RNPC3: variants seen among roughly 807,000 people sequenced by gnomAD.
RNPC3 encodes the protein RNA-binding region-containing protein 3.
In RNPC3, 48 loss-of-function variants were observed where a neutral mutation model predicts 67.5. The ratio of observed to expected loss-of-function variants is 0.71; its 90% CI spans 0.56 to 0.90. The LOEUF is 0.90. RNPC3 is among the 40% of genes least tolerant of loss of function. The probability of loss-of-function intolerance (pLI) is 0.00; values close to 1 mark genes in which losing one functional copy is unlikely to be tolerated. For synonymous variants in RNPC3, 239 were observed against 210.3 expected (o/e 1.14, Z -1.18); for missense variants, 637 against 626.1 (o/e 1.02, Z -0.19).
intron 10 of RNPC3, chr1:103,545,316 T>C: frequency 2.7e-6 from 1 of 369,164 alleles, no homozygotes; most frequent in East Asian, 5.9e-5. Flanking sequence ...GTTTCCAGTC[T>C]ATATTTAGGA....
chr1:103,526,690 C>T (rs1445600751), intron 1 of RNPC3, among the ~76,000 whole-genome samples: 3 of 152,138 alleles, frequency 2.0e-5, no homozygotes, highest in Admixed American at 6.5e-5. Flanking sequence ...GGAGAAGCTA[C>T]ATTGGTGACT....
chr1:103,545,216 C>T, intron 10 of RNPC3, 114 bp downstream of exon 10: 1 of 771,876 alleles, frequency 1.3e-6, no homozygotes, highest in Non-Finnish European at 2.0e-6. Flanking sequence ...TACTTTAAAA[C>T]ATCTCTCCAA....
At position 103,552,038 on chromosome 1, in the gene RNPC3, C is replaced by G. The variant is rs564652235; in HGVS notation, c.*12+246C>G. ...AGTGTGCCTGTTACTCTTTTTTTAA[C>G]TTTTTCTGCCTATAGTAAAGCAATG... On this transcript the variant is annotated intron_variant, in intron 14 of 14. Coordinates refer to ENST00000423855, the MANE Select transcript of RNPC3 (RefSeq NM_017619.4). 363 of 284,278 alleles carry G rather than the reference C, an allele frequency of 1.3e-3. 2 individuals are homozygous for G. The highest frequency in any genetic ancestry group is 7.6e-3 in the African/African-American group (346 of 45,362). The allele number at this position is 284,278 out of a possible 1,614,324, so 17.6% of individuals were successfully genotyped here.
rs1170240456 is a variant in RNPC3, at chr1:103,545,082, A to T, written c.1187A>T (p.Lys396Met). The T allele has an allele frequency of 6.5e-7, 1 of 1,532,390 alleles. No homozygotes were observed. The highest frequency in any genetic ancestry group is 8.7e-7 in the Non-Finnish European group (1 of 1,144,504). 94.9% of individuals were successfully genotyped at this position (1,532,390 alleles called of 1,614,324 possible). ...SECISRRELE[K>M]GRISREEMET... ...TGTATTTCTAGAAGGGAATTGGAAAAGGGCAGAATTTCTAGAGAAGGTAAT... is the reference window on the plus strand; with the variant it reads ...TGTATTTCTAGAAGGGAATTGGAAATGGGCAGAATTTCTAGAGAAGGTAAT... The change falls in exon 10 of 15, where the codon AAG (lysine) becomes ATG (methionine). Residue 396 changes from lysine (K) to methionine (M), a missense_variant. Around this residue, in one of 3 missense-constraint regions of RNPC3, gnomAD observed 536 missense variants for 500.3 expected, o/e 1.07. Transcript: ENST00000423855.
intron 2 of RNPC3, among the ~76,000 whole-genome samples, chr1:103,530,303 G>A (rs1377020065): frequency 6.6e-6 from 1 of 152,124 alleles, no homozygotes; most frequent in Non-Finnish European, 1.5e-5. Context: ...GACAAGTAGA[G>A]CAATAAGATC....
chr1:103,541,514 T>G (rs564749374), intron 8 of RNPC3, 39 bp downstream of exon 8: 2 of 1,457,636 alleles, frequency 1.4e-6, no homozygotes, highest in African/African-American at 3.0e-5. Context: ...GTTGTCTGTA[T>G]GTACTTTGTT....
At chr1:103,537,276 C>A in intron 6 of RNPC3, 66 bp from the exon 7 acceptor site, 5 of 1,073,410 alleles carry the variant, frequency 4.7e-6, no homozygotes, top group East Asian at 2.7e-5. Context: ...ATGAAGTATT[C>A]AGATGGAGTT....
chr1:103,550,057 G>A (rs542895764), intron 12 of RNPC3, among the ~76,000 whole-genome samples: 9 of 151,878 alleles, frequency 5.9e-5, no homozygotes, highest in East Asian at 3.9e-4. Context: ...CCAGCTACCC[G>A]GGGGGCTGAG....
intron 11 of RNPC3, chr1:103,546,619 A>C: frequency 3.1e-6 from 1 of 318,490 alleles, no homozygotes; most frequent in Non-Finnish European, 5.7e-6. Context: ...GTGTTGTCTC[A>C]CAGTTCTGGA....
intron 2 of RNPC3, among the ~76,000 whole-genome samples, chr1:103,530,259 A>G (rs1173816245): frequency 2.6e-5 from 4 of 152,108 alleles, no homozygotes; most frequent in Non-Finnish European, 5.9e-5. Flanking sequence ...ATAAACTTTA[A>G]TATTTTAGAA....
chr1:103,528,065 C>G (rs1489619836), intron 2 of RNPC3, among the ~76,000 whole-genome samples: 1 of 152,232 alleles, frequency 6.6e-6, no homozygotes, highest in African/African-American at 2.4e-5. Flanking sequence ...GCCAGGGAAT[C>G]ATTCACAGGA....
intron 7 of RNPC3, among the ~76,000 whole-genome samples, chr1:103,539,718 C>T (rs1651075319): frequency 6.6e-6 from 1 of 152,062 alleles, no homozygotes. Flanking sequence ...GGAAATGTAA[C>T]AAGACCTAAA....
chr1:103,551,883 C>T, intron 14 of RNPC3, 91 bp downstream of exon 14: 1 of 606,886 alleles, frequency 1.6e-6, no homozygotes, highest in Non-Finnish European at 2.7e-6. Flanking sequence ...ATTCAGGTAT[C>T]TCTTTTTTTT....
chr1:103,539,405 T>G (rs1366754984), intron 7 of RNPC3, among the ~76,000 whole-genome samples: 1 of 152,264 alleles, frequency 6.6e-6, no homozygotes, highest in Non-Finnish European at 1.5e-5. Flanking sequence ...GTGAATACAC[T>G]ATCTGTCTTA....
chr1:103,539,634 C>A (rs1460209639), intron 7 of RNPC3, among the ~76,000 whole-genome samples: 1 of 152,156 alleles, frequency 6.6e-6, no homozygotes, highest in Non-Finnish European at 1.5e-5. Flanking sequence ...GCCAGTAATT[C>A]ATCTTGAGTC....
chr1:103,552,253 ATG>A, intron 14 of RNPC3: 1 of 152,224 alleles, frequency 6.6e-6, no homozygotes, highest in African/African-American at 2.4e-5. Context: ...GAAATGGGGA[ATG>A]TGTCTGGTAA....
At position 103,536,119 on chromosome 1, in the gene RNPC3, C is replaced by CT. The variant is rs1557757372; in HGVS notation, c.556-4dup. ...ATATGTGAATTTAAATGTCTTACCACTTTAAGGTCCTTCATCTTATGAATA... is the reference window on the plus strand; with the variant it reads ...ATATGTGAATTTAAATGTCTTACCACTTTTAAGGTCCTTCATCTTATGAATA... On this transcript the variant is annotated splice_region_variant and splice_polypyrimidine_tract_variant and intron_variant, in intron 5 of 14. Transcript: ENST00000423855. The CT allele has an allele frequency of 6.5e-7, 1 of 1,529,350 alleles. No individual in the cohort carries two copies. The allele number at this position is 1,529,350 out of a possible 1,614,324, so 94.7% of individuals were successfully genotyped here. A position where few individuals can be genotyped will look rare whatever the true frequency, so the allele number is the denominator to read the frequency against.
At chr1:103,526,879 G>A (rs1650727043) in intron 1 of RNPC3, among the ~76,000 whole-genome samples, 1 of 152,094 alleles carries the variant, frequency 6.6e-6, no homozygotes, top group Non-Finnish European at 1.5e-5. Context: ...CATTAAAATA[G>A]GAATAGCGAT....
intron 11 of RNPC3, 152 bp downstream of exon 11, chr1:103,546,494 T>G: frequency 2.4e-6 from 1 of 422,288 alleles, no homozygotes; most frequent in Non-Finnish European, 4.1e-6. Context: ...ATTTTCAGGT[T>G]AATTTTTTAT....
Sources: allele counts gnomAD v4.1 joint callset (sites outside exome capture counted in the v4.1 genomes callset), GRCh38; gene constraint gnomAD v4.1.1; regional missense constraint gnomAD v4.1.1; transcripts MANE v1.5; gene names NCBI Gene and HGNC (gene_info 2026-07-23, HGNC 2026-07-21).